Variants in GSDME observed in about 807,000 individuals in gnomAD.
GSDME encodes gasdermin E.
Under a neutral mutation model 47.5 loss-of-function variants are expected in GSDME, and 44 were observed. The ratio of observed to expected loss-of-function variants is 0.93; its 90% confidence interval spans 0.73 to 1.19. The LOEUF is 1.19. Ranked by LOEUF, GSDME falls within the 50% of genes most tolerant of loss-of-function variation. GSDME has a pLI of 0.00. For missense variants in GSDME, 663 were observed against 604.2 expected (o/e 1.10, Z -1.02); for synonymous variants, 258 against 252.8 (o/e 1.02, Z -0.20).
chr7:24,766,636 C>T, the GSDME span, among the ~76,000 whole-genome samples: 5 of 152,142 alleles, frequency 3.3e-5, no homozygotes. This position sits in a 1 kb window ranked among gnomAD's most constrained non-coding sequence, Gnocchi z 4.2. Flanking sequence ...CATGAACTCA[C>T]CCTTTTTTAT....
Position 24,712,238 on chromosome 7 carries a change from CAG to C in GSDME, c.698-1852_698-1851del, listed in dbSNP as rs1488389168. Among the ~76,000 whole-genome samples the C allele has an allele frequency of 6.6e-6, 1 of 152,242 alleles. No individual in the cohort carries two copies. Among genetic ancestry groups the C allele is most frequent in the Non-Finnish European group, 1.5e-5 (1 of 68,048 alleles). On this transcript the variant is annotated intron_variant, in intron 5 of 9. Transcript: ENST00000645220. This position sits in a 1 kb window ranked among gnomAD's most constrained non-coding sequence, Gnocchi z 4.4. ...CTCCTCCACACTTTGCGCTTAGCCA[CAG>C]GGGTGCAGGAGTGTGAACCAGCACC...
chr7:24,763,783 C>T, the GSDME span, among the ~76,000 whole-genome samples: 1 of 152,100 alleles, frequency 6.6e-6, no homozygotes, highest in Non-Finnish European at 1.5e-5. This position sits in a 1 kb window ranked among gnomAD's most constrained non-coding sequence, Gnocchi z 4.3. Flanking sequence ...TCTTTGTGCT[C>T]CGGAAAAAAA....
At chr7:24,702,726 T>G in intron 9 of GSDME, 34 bp downstream of exon 9, 1 of 1,589,648 alleles carries the variant, frequency 6.3e-7, no homozygotes, top group Non-Finnish European at 8.6e-7. Context: ...CCCATTCCTA[T>G]CCATTCTAAG....
intron 9 of GSDME, among the ~76,000 whole-genome samples, chr7:24,702,268 G>A (rs1325521703): frequency 6.6e-6 from 1 of 152,214 alleles, no homozygotes; most frequent in East Asian, 1.9e-4. Flanking sequence ...CTCTTAGAAT[G>A]ACATTTCCAG....
chr7:24,750,319 A>C (rs75542041), intron 1 of GSDME, among the ~76,000 whole-genome samples: 12 of 152,264 alleles, frequency 7.9e-5, no homozygotes, highest in Non-Finnish European at 8.8e-5. Context: ...CAATTTTATC[A>C]AGAATCCAGA....
chr7:24,736,786 C>T lies in GSDME; in HGVS notation c.404+7776G>A, dbSNP rs34470389. Among the ~76,000 whole-genome samples, 3 of 151,932 alleles carry T rather than the reference C, an allele frequency of 2.0e-5. No individual in the cohort carries two copies. Among genetic ancestry groups the T allele is most frequent in the African/African-American group, 7.3e-5 (3 of 41,366 alleles). ...GCCACAAAACAAGTTTCAAAACATC[C>T]AAAAAATTGAAATAATATAAAGTAC... On this transcript the variant is annotated intron_variant, in intron 3 of 9. Coordinates refer to ENST00000645220, the MANE Select transcript of GSDME (RefSeq NM_001127453.2). This position sits in a 1 kb window ranked among gnomAD's most constrained non-coding sequence, Gnocchi z 4.6.
At chr7:24,780,315 C>G in the GSDME span, among the ~76,000 whole-genome samples, 1 of 152,178 alleles carries the variant, frequency 6.6e-6, no homozygotes, top group Non-Finnish European at 1.5e-5. This position sits in a 1 kb window ranked among gnomAD's most constrained non-coding sequence, Gnocchi z 4.1. Context: ...ACCAGGATAT[C>G]AGTTTATTGA....
rs569438513 is a variant in GSDME at position 24,728,664 on chromosome 7, G to A, written c.405-9446C>T. 7.9e-5 allele frequency among the ~76,000 whole-genome samples: 12 copies of A among 152,286 alleles called. No individual in the cohort carries two copies. In the South Asian group the frequency reaches 1.9e-3, roughly 24 times the overall value. On this transcript the variant is annotated intron_variant, in intron 3 of 9. Coordinates refer to ENST00000645220, the MANE Select transcript of GSDME (RefSeq NM_001127453.2). The surrounding 1 kb of genome is among the most constrained non-coding windows in gnomAD (Gnocchi z 7.2). ...CTCCATCCCATGAGAGCTTCCCAGA[G>A]TCAGGAAGTGGATCCTCTTGGAAAC...
At position 24,716,915 on chromosome 7, in the gene GSDME, A is replaced by G. The variant is rs1789579063; in HGVS notation, c.697+339T>C. 2.7e-6 allele frequency: 1 copy of G among 372,366 alleles called. No homozygotes were observed. The highest frequency in any genetic ancestry group is 3.8e-5 in the Admixed American group (1 of 26,610). 23.1% of individuals were successfully genotyped at this position (372,366 alleles called of 1,614,324 possible). ...CAACTTGCCTGAGACCTCATAGGAC[A>G]TCATGGCACCGGGGTTGATGCCCAG... On this transcript the variant is annotated intron_variant, in intron 5 of 9. Coordinates refer to ENST00000645220, the MANE Select transcript of GSDME (RefSeq NM_001127453.2). This position sits in a 1 kb window ranked among gnomAD's most constrained non-coding sequence, Gnocchi z 4.5.
intron 3 of GSDME, among the ~76,000 whole-genome samples, chr7:24,731,486 A>C (rs1295844347): frequency 6.6e-6 from 1 of 152,216 alleles, no homozygotes; most frequent in Non-Finnish European, 1.5e-5. Flanking sequence ...CAAACAAAAC[A>C]TCATGCTGCA....
At chr7:24,748,085 ATATT>A (rs1466588050) in intron 2 of GSDME, among the ~76,000 whole-genome samples, 5 of 151,106 alleles carry the variant, frequency 3.3e-5, no homozygotes, top group Admixed American at 1.3e-4. Context: ...ACCTAATTAA[ATATT>A]TATTTAAACT....
In GSDME at chr7:24,742,616, A is replaced by G. The variant is rs984860194; in HGVS notation, c.404+1946T>C. Reference sequence around the variant, plus strand: ...CCTGAATCATGGTGTTTAAAAACCTATATCGAGAAATGTGATTATAGGACA... The same window carrying G: ...CCTGAATCATGGTGTTTAAAAACCTGTATCGAGAAATGTGATTATAGGACA... On this transcript the variant is annotated intron_variant, in intron 3 of 9. Transcript: ENST00000645220. This position sits in a 1 kb window ranked among gnomAD's most constrained non-coding sequence, Gnocchi z 4.4. Among the ~76,000 whole-genome samples, 8 of 152,200 alleles carry G rather than the reference A, an allele frequency of 5.3e-5. No individual in the cohort carries two copies. The highest frequency in any genetic ancestry group is 1.4e-4 in the African/African-American group (6 of 41,444).
the GSDME span, among the ~76,000 whole-genome samples, chr7:24,767,724 T>C: frequency 6.6e-6 from 1 of 152,338 alleles, no homozygotes; most frequent in African/African-American, 2.4e-5. This position sits in a 1 kb window ranked among gnomAD's most constrained non-coding sequence, Gnocchi z 5.3. Flanking sequence ...ATTAAAAATT[T>C]TGTATTTTCC....
the GSDME span, among the ~76,000 whole-genome samples, chr7:24,788,468 T>C: frequency 2.0e-5 from 3 of 152,344 alleles, no homozygotes; most frequent in East Asian, 3.9e-4. This position sits in a 1 kb window ranked among gnomAD's most constrained non-coding sequence, Gnocchi z 4.6. Context: ...GACTTCAGCC[T>C]GCTCACAGCC....
the GSDME span, among the ~76,000 whole-genome samples, chr7:24,778,193 G>A: frequency 6.6e-6 from 1 of 151,592 alleles, no homozygotes; most frequent in Non-Finnish European, 1.5e-5. The surrounding 1 kb of genome is among the most constrained non-coding windows in gnomAD (Gnocchi z 5.6). Flanking sequence ...GAAAGGGAAG[G>A]AGAGATCCAA....
Position 24,706,490 on chromosome 7 carries a change from G to C in GSDME, c.991-114C>G, listed in dbSNP as rs897398586. The C allele has an allele frequency of 5.0e-6, 5 of 1,005,796 alleles. No homozygotes were observed. In the Admixed American group the frequency reaches 9.7e-5, roughly 19 times the overall value. The allele number at this position is 1,005,796 out of a possible 1,614,324, so 62.3% of individuals were successfully genotyped here. A position where few individuals can be genotyped will look rare whatever the true frequency, so the allele number is the denominator to read the frequency against. On this transcript the variant is annotated intron_variant, in intron 7 of 9. Coordinates refer to ENST00000645220, the MANE Select transcript of GSDME (RefSeq NM_001127453.2). ...AGCCCTTCCCACTCCCCCGAGGAAA[G>C]TACGACCCGCAGCTCTTCTCTACGT...
At chr7:24,784,626 CT>C in the GSDME span, among the ~76,000 whole-genome samples, 1,119 of 124,290 alleles carry the variant, frequency 9.0e-3, 4 homozygotes, top group Middle Eastern at 0.035. Flanking sequence ...TTTCTTCTTC[CT>C]TTTTTTTTTT....
At chr7:24,769,592 G>A in the GSDME span, among the ~76,000 whole-genome samples, 1 of 152,128 alleles carries the variant, frequency 6.6e-6, no homozygotes, top group African/African-American at 2.4e-5. Context: ...CAGGACATAG[G>A]CTCACTAAAG....
At chr7:24,700,083 C>G (rs1414403487) in intron 9 of GSDME, among the ~76,000 whole-genome samples, 2 of 152,076 alleles carry the variant, frequency 1.3e-5, no homozygotes, top group African/African-American at 4.8e-5. Context: ...CTAGCTACCC[C>G]CAGCCCCAGA....
Sources: gnomAD v4.1 joint callset for allele counts (sites outside exome capture counted in the v4.1 genomes callset) on GRCh38, gnomAD v4.1.1 for gene constraint, Gnocchi (gnomAD v3.1) non-coding constraint, MANE v1.5 for transcripts, NCBI Gene and HGNC (gene_info 2026-07-23, HGNC 2026-07-21) for gene names.